The following PCDHGB3 variants were observed in gnomAD, a reference collection of about 807,000 sequenced individuals.
PCDHGB3 encodes the protein protocadherin gamma subfamily B, 3.
In PCDHGB3, 40 loss-of-function variants were observed where a neutral mutation model predicts 59.2. That is an observed-to-expected ratio of 0.68 (90% CI 0.52 to 0.88). The LOEUF (loss-of-function observed/expected upper bound fraction) is 0.88, where lower values mean the gene tolerates loss of function less well. Among genes scored for constraint, PCDHGB3 ranks in the 40% least tolerant of loss-of-function variants. PCDHGB3 has a pLI of 0.00. For synonymous variants in PCDHGB3, 581 were observed against 503.6 expected, an observed-to-expected ratio of 1.15 and a Z score of -2.06; for missense variants, 1,309 against 1,187.9, an observed-to-expected ratio of 1.10 and a Z score of -1.50.
intron 1 of PCDHGB3, chr5:141,426,560 G>A (rs1358683534): frequency 5.7e-6 from 2 of 352,756 alleles, no homozygotes; most frequent in South Asian, 2.1e-5. Flanking sequence ...AGAATAGATC[G>A]AGAGTCACTG....
chr5:141,375,828 C>T, intron 1 of PCDHGB3: 1 of 1,614,168 alleles, frequency 6.2e-7, no homozygotes. Context: ...CCCCGCTCCG[C>T]AGAGCCCGGC....
chr5:141,481,868 C>A (rs983373194), intron 1 of PCDHGB3, among the ~76,000 whole-genome samples: 4 of 147,412 alleles, frequency 2.7e-5, no homozygotes, highest in African/African-American at 1.0e-4. Flanking sequence ...GAGCCGAGAT[C>A]GCGCCACTGC....
chr5:141,383,187 C>A (rs572411306), intron 1 of PCDHGB3: 2 of 1,614,076 alleles, frequency 1.2e-6, no homozygotes, highest in Non-Finnish European at 1.7e-6. Context: ...AAGAGATCTG[C>A]GCTCAGAGTG....
chr5:141,451,408 T>C (rs1244686397), intron 1 of PCDHGB3, among the ~76,000 whole-genome samples: 1 of 152,204 alleles, frequency 6.6e-6, no homozygotes, highest in Non-Finnish European at 1.5e-5. Flanking sequence ...ATTAAGTTCC[T>C]TGTGGATTGT....
chr5:141,386,123 T>C (rs1477033454), intron 1 of PCDHGB3: 1 of 152,112 alleles, frequency 6.6e-6, no homozygotes, highest in African/African-American at 2.4e-5. Flanking sequence ...AAGTGGGAGA[T>C]TGGGGATACT....
In PCDHGB3 at chr5:141,371,033, A is replaced by G; in HGVS notation, c.639A>G (p.Thr213=). ...AGCCACATCACCACCTGGTCCTCAC[A>G]GCTGTGGATGGGGGCGAGCCCTCCA... ...EEQPHHHLVL[T]AVDGGEPSRS... is the part of the protein sequence containing the mutation. The change falls in exon 1 of 4, where the codon ACA becomes ACG. Residue 213 remains threonine (T), a synonymous_variant. Transcript: ENST00000576222. 1.2e-6 allele frequency: 2 copies of G among 1,614,008 alleles called. No individual in the cohort carries two copies. The highest frequency in any genetic ancestry group is 1.7e-6 in the Non-Finnish European group (2 of 1,179,894).
chr5:141,485,866 C>T lies in PCDHGB3; in HGVS notation c.2416-8941C>T. The T allele has an allele frequency of 2.5e-6, 4 of 1,614,144 alleles. No individual in the cohort carries two copies. Among genetic ancestry groups the T allele is most frequent in the Non-Finnish European group, 3.4e-6 (4 of 1,180,014 alleles). On this transcript the variant is annotated intron_variant, in intron 1 of 3. Coordinates refer to ENST00000576222, the MANE Select transcript of PCDHGB3 (RefSeq NM_018924.5). The surrounding 1 kb of genome is among the most constrained non-coding windows in gnomAD (Gnocchi z 5.7). ...CTGGCACCGCAGAGCTCCGGGTATCCGTGCTGGACGTAAACGACAACGCCC... is the reference window on the plus strand; with the variant it reads ...CTGGCACCGCAGAGCTCCGGGTATCTGTGCTGGACGTAAACGACAACGCCC...
At position 141,417,888 on chromosome 5, in the gene PCDHGB3, G is replaced by C. The variant is rs1406210540; in HGVS notation, c.2415+45079G>C. ...GGAGGGAGCTGCGCGCAGAGGCGCC[G>C]GGCCGGCCCGCGGCAGGTACTATTT... is the stretch of plus-strand genomic sequence containing the variant. On this transcript the variant is annotated intron_variant, in intron 1 of 3. Transcript: ENST00000576222. 1.3e-6 allele frequency: 2 copies of C among 1,566,652 alleles called. No homozygotes were observed. The highest frequency in any genetic ancestry group is 1.7e-4 in the Middle Eastern group (1 of 6,016).
At chr5:141,417,256 C>G (rs985322130) in intron 1 of PCDHGB3, 1 of 152,096 alleles carries the variant, frequency 6.6e-6, no homozygotes, top group Non-Finnish European at 1.5e-5. Flanking sequence ...CTTCCAGCTT[C>G]ATAGATAATT....
chr5:141,389,147 G>A (rs530113846), intron 1 of PCDHGB3: 2 of 1,613,986 alleles, frequency 1.2e-6, no homozygotes, highest in South Asian at 1.1e-5. Flanking sequence ...TAACCGTTAC[G>A]GCAACAGATC....
At chr5:141,388,935 C>T (rs1215680251) in intron 1 of PCDHGB3, 2 of 1,613,984 alleles carry the variant, frequency 1.2e-6, no homozygotes, top group South Asian at 1.1e-5. Flanking sequence ...CCAGTCTCTA[C>T]CCAACCTAAT....
chr5:141,377,182 A>G (rs958059395), intron 1 of PCDHGB3: 9 of 152,144 alleles, frequency 5.9e-5, no homozygotes, highest in Non-Finnish European at 8.8e-5. Flanking sequence ...TTCTTGGCAA[A>G]CTATTTGTGT....
intron 1 of PCDHGB3, chr5:141,416,286 T>C (rs1415036175): frequency 2.0e-5 from 3 of 152,304 alleles, no homozygotes; most frequent in Non-Finnish European, 4.4e-5. Context: ...AATTCTCTAA[T>C]TTCACACTGC....
intron 1 of PCDHGB3, chr5:141,422,963 C>G (rs372620011): frequency 1.1e-5 from 17 of 1,614,238 alleles, no homozygotes; most frequent in Non-Finnish European, 1.4e-5. Context: ...GTGGAGCTGG[C>G]GCCCCGCTCT....
chr5:141,421,464 T>A lies in PCDHGB3; in HGVS notation c.2415+48655T>A, dbSNP rs773727821. ...GGAAGACACAGCTTTTCGCTGTGAA[T>A]CCGCGAAGCGGCAGCTTGATCACGG... On this transcript the variant is annotated intron_variant, in intron 1 of 3. Transcript: ENST00000576222. 17 of 1,613,972 alleles carry A rather than the reference T, an allele frequency of 1.1e-5. No individual in the cohort carries two copies. In the East Asian group the frequency reaches 3.6e-4, roughly 34 times the overall value.
At chr5:141,380,946 C>T (rs555019785) in intron 1 of PCDHGB3, among the ~76,000 whole-genome samples, 2 of 152,210 alleles carry the variant, frequency 1.3e-5, no homozygotes, top group African/African-American at 2.4e-5. Flanking sequence ...CTTGCCTCAA[C>T]AAGAAGTTCA....
intron 1 of PCDHGB3, among the ~76,000 whole-genome samples, chr5:141,465,687 T>C (rs1290838979): frequency 1.3e-5 from 2 of 152,248 alleles, no homozygotes; most frequent in Non-Finnish European, 2.9e-5. Flanking sequence ...TTGACCAGTC[T>C]GCTTTTGCAT....
At chr5:141,375,485 G>C (rs1478417043) in intron 1 of PCDHGB3, 1 of 1,613,678 alleles carries the variant, frequency 6.2e-7, no homozygotes, top group African/African-American at 1.3e-5. Flanking sequence ...CAACCCCAGG[G>C]GTGCCTCCAT....
rs149553852 is a variant in PCDHGB3 at position 141,415,009 on chromosome 5, C to G, written c.2415+42200C>G. 3.1e-6 allele frequency: 5 copies of G among 1,613,544 alleles called. No homozygotes were observed. The East Asian group carries it at 1.1e-4, about 36-fold the overall frequency. On this transcript the variant is annotated intron_variant, in intron 1 of 3. Transcript: ENST00000576222. The stretch of plus-strand genomic sequence containing the variant: ...CCAGAACGCCTGGCTGTCCTACCGT[C>G]TGCTCAAGGCCAGCGAGCCGGGACT...
Sources: allele counts gnomAD v4.1 joint callset (sites outside exome capture counted in the v4.1 genomes callset), GRCh38; gene constraint gnomAD v4.1.1; non-coding constraint Gnocchi (gnomAD v3.1); transcripts MANE v1.5; gene names NCBI Gene and HGNC (gene_info 2026-07-23, HGNC 2026-07-21).